The following GOLM2 variants were observed in gnomAD, a reference collection of about 807,000 sequenced individuals.
GOLM2 encodes the protein protein GOLM2.
Under a neutral mutation model 55.9 loss-of-function variants are expected in GOLM2, and 26 were observed. The observed-to-expected ratio is 0.47, with a 90% confidence interval of 0.34 to 0.65. The LOEUF is 0.65. Ranked by LOEUF, GOLM2 falls within the 30% of genes least tolerant of loss-of-function variation. The pLI is 0.01. For synonymous variants in GOLM2, 165 were observed against 194.6 expected (o/e 0.85, Z 1.27); for missense variants, 486 against 531.8 (o/e 0.91, Z 0.85).
chr15:44,399,691 A>T (rs985060952), intron 8 of GOLM2, among the ~76,000 whole-genome samples: 2 of 152,112 alleles, frequency 1.3e-5, no homozygotes, highest in Non-Finnish European at 2.9e-5. Context: ...TCTGTATTTC[A>T]TAACTCTGAT....
At chr15:44,315,759 T>C (rs753940705) in intron 1 of GOLM2, among the ~76,000 whole-genome samples, 27 of 152,130 alleles carry the variant, frequency 1.8e-4, no homozygotes, top group Non-Finnish European at 3.4e-4. Context: ...AATTGGCCTA[T>C]TATAGATGGA....
At chr15:44,314,017 C>T (rs569034327) in intron 1 of GOLM2, among the ~76,000 whole-genome samples, 1 of 152,100 alleles carries the variant, frequency 6.6e-6, no homozygotes, top group South Asian at 2.1e-4. Context: ...GTGGGCAGAT[C>T]ACAAGGTCAG....
At chr15:44,365,296 G>C (rs2079276255) in intron 6 of GOLM2, among the ~76,000 whole-genome samples, 1 of 152,188 alleles carries the variant, frequency 6.6e-6, no homozygotes, top group South Asian at 2.1e-4. Context: ...GGAGGCCAAA[G>C]TTGACAGATC....
chr15:44,312,774 C>T (rs543021236), intron 1 of GOLM2, among the ~76,000 whole-genome samples: 7 of 152,080 alleles, frequency 4.6e-5, no homozygotes, highest in East Asian at 3.9e-4. Context: ...GGTGAAACCC[C>T]GTCTCTACTA....
At chr15:44,364,651 C>T (rs900890328) in intron 6 of GOLM2, among the ~76,000 whole-genome samples, 2 of 151,662 alleles carry the variant, frequency 1.3e-5, no homozygotes, top group Admixed American at 6.6e-5. Context: ...GCCATGATTA[C>T]ACCACTGCAC....
intron 8 of GOLM2, among the ~76,000 whole-genome samples, chr15:44,382,691 AT>A (rs931874686): frequency 1.4e-4 from 21 of 151,946 alleles, no homozygotes; most frequent in Middle Eastern, 3.4e-3. Flanking sequence ...ACCTGTATAT[AT>A]TTTTTTAACT....
chr15:44,299,148 G>A (rs920920680), intron 1 of GOLM2, among the ~76,000 whole-genome samples: 4 of 152,130 alleles, frequency 2.6e-5, no homozygotes, highest in African/African-American at 9.7e-5. Flanking sequence ...TGGACTTCTA[G>A]CCTCTGAAAC....
chr15:44,340,583 G>A (rs1476547173), intron 6 of GOLM2, among the ~76,000 whole-genome samples: 1 of 151,646 alleles, frequency 6.6e-6, no homozygotes, highest in Non-Finnish European at 1.5e-5. Context: ...TTAAAGTGTG[G>A]TCTTTGGATC....
intron 8 of GOLM2, among the ~76,000 whole-genome samples, chr15:44,394,683 T>TA (rs1181390601): frequency 6.6e-6 from 1 of 152,226 alleles, no homozygotes; most frequent in Non-Finnish European, 1.5e-5. Flanking sequence ...ACATTTTTGT[T>TA]ACAGTTTGTA....
At chr15:44,391,378 G>A (rs1247662989) in intron 8 of GOLM2, among the ~76,000 whole-genome samples, 5 of 151,822 alleles carry the variant, frequency 3.3e-5, no homozygotes, top group African/African-American at 7.3e-5. Flanking sequence ...TTAGCCGGTC[G>A]TGGTGGCGGG....
intron 2 of GOLM2, among the ~76,000 whole-genome samples, chr15:44,323,754 A>G (rs1271943630): frequency 6.6e-6 from 1 of 152,112 alleles, no homozygotes; most frequent in Non-Finnish European, 1.5e-5. Context: ...TCTAGCTTCA[A>G]AAATATCCTT....
At chr15:44,358,873 C>G (rs958079550) in intron 6 of GOLM2, among the ~76,000 whole-genome samples, 2 of 152,160 alleles carry the variant, frequency 1.3e-5, no homozygotes, top group African/African-American at 4.8e-5. Flanking sequence ...TTAGAAACTT[C>G]TGGCCGGGCA....
chr15:44,365,092 T>G (rs1229024625), intron 6 of GOLM2, among the ~76,000 whole-genome samples: 1 of 152,176 alleles, frequency 6.6e-6, no homozygotes, highest in Non-Finnish European at 1.5e-5. Context: ...CACATAAATG[T>G]TTATAGAAGC....
chr15:44,338,180 C>T (rs995644774), intron 5 of GOLM2, 57 bp from the exon 6 acceptor site: 16 of 1,516,288 alleles, frequency 1.1e-5, no homozygotes, highest in Non-Finnish European at 1.5e-5. Flanking sequence ...TCCTTCAAAA[C>T]ATTTTCAAAT....
At chr15:44,386,209 G>A (rs995498137) in intron 8 of GOLM2, among the ~76,000 whole-genome samples, 1 of 152,108 alleles carries the variant, frequency 6.6e-6, no homozygotes, top group African/African-American at 2.4e-5. Context: ...GTTAGTTTTT[G>A]TATATGGTTT....
chr15:44,328,328 A>G (rs1196250251), intron 2 of GOLM2, among the ~76,000 whole-genome samples: 1 of 152,166 alleles, frequency 6.6e-6, no homozygotes, highest in Non-Finnish European at 1.5e-5. Flanking sequence ...AAATACAAAA[A>G]TTAGCCGGAT....
intron 1 of GOLM2, among the ~76,000 whole-genome samples, chr15:44,317,245 C>T (rs1346188548): frequency 2.0e-5 from 3 of 147,962 alleles, no homozygotes; most frequent in Non-Finnish European, 4.5e-5. Flanking sequence ...GGCGTGGTAG[C>T]ACATGCCTGT....
At chr15:44,357,734 A>G (rs2079207237) in intron 6 of GOLM2, among the ~76,000 whole-genome samples, 1 of 152,354 alleles carries the variant, frequency 6.6e-6, no homozygotes, top group Non-Finnish European at 1.5e-5. Flanking sequence ...ACAAAAGTTA[A>G]TCACTTTTCC....
At chr15:44,389,559 G>A (rs763637414) in intron 8 of GOLM2, among the ~76,000 whole-genome samples, 24 of 152,012 alleles carry the variant, frequency 1.6e-4, no homozygotes, top group Admixed American at 5.2e-4. Flanking sequence ...AAAAATAAAA[G>A]CACTTGATAC....
Sources: gnomAD v4.1 joint callset for allele counts (sites outside exome capture counted in the v4.1 genomes callset) on GRCh38, gnomAD v4.1.1 for gene constraint, MANE v1.5 for transcripts, NCBI Gene and HGNC (gene_info 2026-07-23, HGNC 2026-07-21) for gene names.